Variants in IGF1R observed in about 807,000 individuals in gnomAD.
IGF1R encodes insulin-like growth factor 1 receptor.
Under a neutral mutation model 144.6 loss-of-function variants are expected in IGF1R, and 44 were observed. The ratio of observed to expected loss-of-function variants is 0.30; its 90% CI spans 0.24 to 0.39. The LOEUF is 0.39. Ranked by LOEUF, IGF1R falls within the 10% of genes least tolerant of loss-of-function variation. The pLI is 1.00. For missense variants in IGF1R, 1,355 were observed against 1,833.7 expected, an observed-to-expected ratio of 0.74 and a Z score of 4.77; for synonymous variants, 795 against 722.8, an observed-to-expected ratio of 1.10 and a Z score of -1.60.
rs544049409 is a variant in IGF1R, at chr15:98,916,831, G to T, written c.2156G>T (p.Arg719Leu). 6.2e-7 allele frequency: 1 copy of T among 1,614,058 alleles called. No homozygotes were observed. Among genetic ancestry groups the T allele is most frequent in the African/African-American group, 1.3e-5 (1 of 75,014 alleles). ...GCCGAGAAGGAGGAGGCTGAATACC[G>T]CAAAGTCTTTGAGAATTTCCTGCAC... The part of the protein sequence containing the change: ...KQAEKEEAEY[R>L]KVFENFLHNS... The change falls in exon 10 of 21, where the codon CGC becomes CTC. Residue 719 changes from arginine to leucine, a missense_variant. Coordinates refer to ENST00000650285, the MANE Select transcript of IGF1R (RefSeq NM_000875.5).
At chr15:98,868,045 A>G (rs2012548441) in intron 2 of IGF1R, among the ~76,000 whole-genome samples, 1 of 152,160 alleles carries the variant, frequency 6.6e-6, no homozygotes, top group African/African-American at 2.4e-5. Context: ...TGCTAAAAAT[A>G]CAAAAATTAG....
At chr15:98,914,625 C>G (rs150469715) in intron 8 of IGF1R, among the ~76,000 whole-genome samples, 12 of 152,204 alleles carry the variant, frequency 7.9e-5, no homozygotes, top group African/African-American at 2.9e-4. Context: ...GAAGTAACCC[C>G]TGGCCAGCAA....
intron 2 of IGF1R, among the ~76,000 whole-genome samples, chr15:98,771,761 G>A (rs2055592445): frequency 6.6e-6 from 1 of 152,142 alleles, no homozygotes; most frequent in Non-Finnish European, 1.5e-5. Flanking sequence ...TAAGGTTACG[G>A]TTAAGTTTGG....
At chr15:98,670,134 A>T (rs1316474) in intron 1 of IGF1R, among the ~76,000 whole-genome samples, 113,488 of 152,070 alleles carry the variant, frequency 0.75, 46,802 homozygotes, top group Non-Finnish European at 0.9. Flanking sequence ...CCCTGTTTTA[A>T]AAAGAGCTTA....
At chr15:98,932,166 A>T (rs1455459335) in intron 15 of IGF1R, among the ~76,000 whole-genome samples, 1 of 152,218 alleles carries the variant, frequency 6.6e-6, no homozygotes, top group Non-Finnish European at 1.5e-5. Flanking sequence ...GAATGCTTTC[A>T]TGATACGTCT....
intron 2 of IGF1R, among the ~76,000 whole-genome samples, chr15:98,752,890 C>T (rs2055048493): frequency 6.6e-6 from 1 of 150,674 alleles, no homozygotes; most frequent in Admixed American, 6.6e-5. Flanking sequence ...CAAAGTTACT[C>T]AGATGAGATA....
chr15:98,893,253 T>C (rs987939008), intron 3 of IGF1R, among the ~76,000 whole-genome samples: 1 of 152,264 alleles, frequency 6.6e-6, no homozygotes, highest in African/African-American at 2.4e-5. Flanking sequence ...CAGCTTCTAC[T>C]GTAGGCTTAC....
At chr15:98,901,244 G>T (rs2014467711) in intron 5 of IGF1R, among the ~76,000 whole-genome samples, 2 of 152,192 alleles carry the variant, frequency 1.3e-5, no homozygotes, top group African/African-American at 4.8e-5. Flanking sequence ...TGCAGGGGAG[G>T]GCAAGTGGGC....
At chr15:98,761,265 A>G (rs953475754) in intron 2 of IGF1R, among the ~76,000 whole-genome samples, 1 of 152,248 alleles carries the variant, frequency 6.6e-6, no homozygotes, top group African/African-American at 2.4e-5. Context: ...TCACAGAGAC[A>G]TGACAGTACT....
In IGF1R at chr15:98,959,760, T is replaced by G. The variant is rs1020983425; in HGVS notation, c.*2318T>G. The G allele has an allele frequency of 4.3e-6, 1 of 233,216 alleles. No homozygotes were observed. The highest frequency in any genetic ancestry group is 6.0e-5 in the East Asian group (1 of 16,594). 14.4% of individuals were successfully genotyped at this position (233,216 alleles called of 1,614,324 possible). A position where few individuals can be genotyped will look rare whatever the true frequency, so the allele number is the denominator to read the frequency against. ...GGTGATTGCTAGTTGTGACTGAAGA[T>G]TCAACACAGAAAAGAAAGTTTATAC... is the stretch of plus-strand genomic sequence containing the variant. On this transcript the variant is annotated 3_prime_UTR_variant, in exon 21 of 21. Transcript: ENST00000650285.
intron 5 of IGF1R, among the ~76,000 whole-genome samples, chr15:98,907,752 G>A (rs963962497): frequency 6.6e-6 from 1 of 152,206 alleles, no homozygotes; most frequent in Non-Finnish European, 1.5e-5. Flanking sequence ...CAGATAGAAC[G>A]GCTTCCTGTG....
chr15:98,803,044 A>T (rs567889692), intron 2 of IGF1R, among the ~76,000 whole-genome samples: 2 of 152,228 alleles, frequency 1.3e-5, no homozygotes, highest in African/African-American at 4.8e-5. Flanking sequence ...GAAGGTAATT[A>T]AAAATGTACA....
At chr15:98,683,266 C>G (rs144142302) in intron 1 of IGF1R, among the ~76,000 whole-genome samples, 1 of 152,090 alleles carries the variant, frequency 6.6e-6, no homozygotes, top group East Asian at 1.9e-4. Flanking sequence ...CGCCTTTTCA[C>G]GGATACACCT....
At chr15:98,817,308 AAT>A (rs1348147207) in intron 2 of IGF1R, among the ~76,000 whole-genome samples, 1 of 312 alleles carries the variant, frequency 3.2e-3, no homozygotes, top group African/African-American at 4.1e-3. Context: ...TCTCAAAAAT[AAT>A]AATAATAATA....
chr15:98,733,710 G>T (rs1480524222), intron 2 of IGF1R, among the ~76,000 whole-genome samples: 1 of 152,092 alleles, frequency 6.6e-6, no homozygotes, highest in African/African-American at 2.4e-5. Context: ...CCACTGTAAG[G>T]TCTTAACAAG....
At chr15:98,812,499 G>A (rs1306939545) in intron 2 of IGF1R, among the ~76,000 whole-genome samples, 1 of 152,010 alleles carries the variant, frequency 6.6e-6, no homozygotes, top group East Asian at 1.9e-4. Context: ...TGGGATTACA[G>A]ACGCCTGCCA....
intron 12 of IGF1R, among the ~76,000 whole-genome samples, chr15:98,924,310 C>CA (rs1375774960): frequency 6.6e-6 from 1 of 152,198 alleles, no homozygotes; most frequent in Non-Finnish European, 1.5e-5. Flanking sequence ...TTCTTGGTTA[C>CA]AAAAATGTTT....
intron 2 of IGF1R, among the ~76,000 whole-genome samples, chr15:98,787,224 C>G (rs2056019167): frequency 6.6e-6 from 1 of 152,134 alleles, no homozygotes; most frequent in Non-Finnish European, 1.5e-5. Context: ...TTTGTCCTCT[C>G]CTGAATCTTT....
chr15:98,771,107 G>A (rs551265494), intron 2 of IGF1R, among the ~76,000 whole-genome samples: 81 of 152,116 alleles, frequency 5.3e-4, no homozygotes, highest in Admixed American at 7.9e-4. Flanking sequence ...AGTGCACCTT[G>A]GAATCTAATG....
Sources: allele counts gnomAD v4.1 joint callset (sites outside exome capture counted in the v4.1 genomes callset), GRCh38; gene constraint gnomAD v4.1.1; transcripts MANE v1.5; gene names NCBI Gene and HGNC (gene_info 2026-07-23, HGNC 2026-07-21).